FBXW7: variants seen among roughly 807,000 people sequenced by gnomAD.
FBXW7 encodes the protein F-box and WD repeat domain containing 7, also known as F-box/WD repeat-containing protein 7.
A neutral mutation model predicts 86.3 loss-of-function variants in FBXW7; 11 were observed. The observed-to-expected ratio is 0.13, with a 90% CI of 0.08 to 0.21. The LOEUF (loss-of-function observed/expected upper bound fraction) is 0.21. FBXW7 is among the 10% of genes least tolerant of loss of function. The probability of loss-of-function intolerance (pLI) is 1.00; values close to 1 mark genes in which losing one functional copy is unlikely to be tolerated. For synonymous variants in FBXW7, 313 were observed against 297.9 expected (o/e 1.05, Z -0.52); for missense variants, 488 against 847.4 (o/e 0.58, Z 5.27).
rs138308420 is a variant in FBXW7, at chr4:152,486,009, C to T, written c.-120+48932G>A. Among the ~76,000 whole-genome samples the T allele has an allele frequency of 4.6e-5, 7 of 152,288 alleles. No homozygotes were observed. In the East Asian group the frequency reaches 1.3e-3, roughly 29 times the overall value. ...CACGGTATAGCCCATTGCTCCTAGG[C>T]TACAAACCTGTATACCATATTACTG... On this transcript the variant is annotated intron_variant, in intron 2 of 13. Transcript: ENST00000281708.
chr4:152,489,618 G>A (rs758216829), intron 2 of FBXW7, among the ~76,000 whole-genome samples: 4 of 152,002 alleles, frequency 2.6e-5, no homozygotes, highest in Non-Finnish European at 4.4e-5. Flanking sequence ...TCAGTTTCCA[G>A]GAATTATAAA....
chr4:152,457,245 A>G (rs1328847989), intron 2 of FBXW7, among the ~76,000 whole-genome samples: 1 of 152,212 alleles, frequency 6.6e-6, no homozygotes, highest in East Asian at 1.9e-4. Context: ...AGAGATTACA[A>G]AGAGGCTTTT....
chr4:152,382,082 G>A lies in FBXW7; in HGVS notation c.501+29221C>T, dbSNP rs1579052163. On this transcript the variant is annotated intron_variant, in intron 4 of 13. Transcript: ENST00000281708. Reference sequence around the variant, plus strand: ...TTACTGGCTACACAATGCATTGATAGTTTTAATTTTAAATAAAAACTGAAA... The same window carrying A: ...TTACTGGCTACACAATGCATTGATAATTTTAATTTTAAATAAAAACTGAAA... 4.3e-6 allele frequency: 3 copies of A among 692,730 alleles called. No individual in the cohort carries two copies. In the East Asian group the frequency reaches 8.8e-5, roughly 20 times the overall value. 42.9% of individuals were successfully genotyped at this position (692,730 alleles called of 1,614,324 possible).
intron 1 of FBXW7, 39 bp downstream of exon 1, chr4:152,535,087 TC>T (rs1750395731): frequency 6.5e-6 from 1 of 153,104 alleles, no homozygotes; most frequent in Non-Finnish European, 1.5e-5. Context: ...CCGGGTCTCT[TC>T]CGCGCTGCCA....
intron 2 of FBXW7, among the ~76,000 whole-genome samples, chr4:152,455,974 A>G (rs1742366152): frequency 6.6e-6 from 1 of 152,158 alleles, no homozygotes; most frequent in South Asian, 2.1e-4. Context: ...CAGCTTTTGG[A>G]AATTAGGATA....
At chr4:152,362,077 C>G (rs1370768116) in intron 4 of FBXW7, among the ~76,000 whole-genome samples, 1 of 151,402 alleles carries the variant, frequency 6.6e-6, no homozygotes, top group Non-Finnish European at 1.5e-5. Context: ...GAATGAATAT[C>G]ATAAGTTTCC....
intron 6 of FBXW7, among the ~76,000 whole-genome samples, chr4:152,338,645 C>T (rs2126591577): frequency 6.6e-6 from 1 of 151,980 alleles, no homozygotes; most frequent in Middle Eastern, 3.4e-3. Flanking sequence ...CTTTAAATGA[C>T]ATCAGGGGAT....
intron 2 of FBXW7, among the ~76,000 whole-genome samples, chr4:152,429,853 T>C (rs1239806700): frequency 6.6e-6 from 1 of 152,238 alleles, no homozygotes; most frequent in Non-Finnish European, 1.5e-5. Flanking sequence ...TCATCTTTAC[T>C]AATGTGAATA....
chr4:152,436,856 T>C (rs574373182), intron 2 of FBXW7, among the ~76,000 whole-genome samples: 1 of 152,220 alleles, frequency 6.6e-6, no homozygotes, highest in Non-Finnish European at 1.5e-5. Flanking sequence ...TGTTGAGACC[T>C]ACTGCTCAGA....
At chr4:152,527,522 C>T (rs986332902) in intron 2 of FBXW7, among the ~76,000 whole-genome samples, 7 of 152,184 alleles carry the variant, frequency 4.6e-5, no homozygotes, top group African/African-American at 1.7e-4. Flanking sequence ...AATCTCAACA[C>T]TTTGGGAGGC....
chr4:152,389,726 A>G (rs1161279711), intron 4 of FBXW7, among the ~76,000 whole-genome samples: 1 of 151,870 alleles, frequency 6.6e-6, no homozygotes, highest in Non-Finnish European at 1.5e-5. Flanking sequence ...ATATCCATGT[A>G]AAAAAAACTA....
At chr4:152,351,890 C>T (rs578228280) in intron 4 of FBXW7, among the ~76,000 whole-genome samples, 1 of 152,120 alleles carries the variant, frequency 6.6e-6, no homozygotes, top group Admixed American at 6.5e-5. Flanking sequence ...AAGGAAACCA[C>T]TGAGAAAGGA....
At chr4:152,358,942 G>C (rs941839335) in intron 4 of FBXW7, among the ~76,000 whole-genome samples, 1 of 152,122 alleles carries the variant, frequency 6.6e-6, no homozygotes. Context: ...AATTCTTACT[G>C]ATTTCCATTA....
chr4:152,380,249 TA>T (rs1323119712), intron 4 of FBXW7, among the ~76,000 whole-genome samples: 1 of 151,940 alleles, frequency 6.6e-6, no homozygotes, highest in African/African-American at 2.4e-5. Context: ...TATAACATAT[TA>T]AAAATATCTT....
intron 4 of FBXW7, among the ~76,000 whole-genome samples, chr4:152,375,445 G>A (rs971530657): frequency 2.6e-5 from 4 of 151,944 alleles, no homozygotes; most frequent in Non-Finnish European, 4.4e-5. Context: ...GTTTTAAAAC[G>A]ATGAAAAGAA....
chr4:152,534,289 A>G (rs1750270557), intron 2 of FBXW7, among the ~76,000 whole-genome samples: 1 of 152,014 alleles, frequency 6.6e-6, no homozygotes, highest in African/African-American at 2.4e-5. Context: ...AAGGGAAAAA[A>G]TCACAACTTT....
intron 4 of FBXW7, among the ~76,000 whole-genome samples, chr4:152,409,805 C>A (rs1159736485): frequency 6.6e-6 from 1 of 151,820 alleles, no homozygotes; most frequent in Non-Finnish European, 1.5e-5. Flanking sequence ...TAAATGCATA[C>A]ACACATGTAT....
At chr4:152,456,824 A>G (rs1016645689) in intron 2 of FBXW7, among the ~76,000 whole-genome samples, 1 of 152,238 alleles carries the variant, frequency 6.6e-6, no homozygotes, top group African/African-American at 2.4e-5. Flanking sequence ...TGTCTTATAC[A>G]GGTAAACATA....
intron 2 of FBXW7, among the ~76,000 whole-genome samples, chr4:152,503,770 A>G (rs1456626209): frequency 6.6e-6 from 1 of 152,134 alleles, no homozygotes; most frequent in Non-Finnish European, 1.5e-5. Flanking sequence ...CTATGTTAGG[A>G]ATTTTAAAAG....
Sources: gnomAD v4.1 joint callset for allele counts (sites outside exome capture counted in the v4.1 genomes callset) on GRCh38, gnomAD v4.1.1 for gene constraint, MANE v1.5 for transcripts, NCBI Gene and HGNC (gene_info 2026-07-23, HGNC 2026-07-21) for gene names.